RSPH14: variants seen among roughly 807,000 people sequenced by gnomAD.
RSPH14 encodes radial spoke head 14 homolog.
A neutral mutation model predicts 26.7 loss-of-function variants in RSPH14; 20 were observed. That is an observed-to-expected ratio of 0.75 (90% CI 0.53 to 1.09). The LOEUF (loss-of-function observed/expected upper bound fraction) is 1.09, where lower values mean the gene tolerates loss of function less well. Among genes scored for constraint, RSPH14 ranks in the 50% least tolerant of loss-of-function variants. The pLI is 0.00. For missense variants in RSPH14, 449 were observed against 457.2 expected (o/e 0.98, Z 0.16); for synonymous variants, 177 against 189.3 (o/e 0.93, Z 0.53).
rs547375169 is a variant in RSPH14, at chr22:23,085,373, G to A, written c.422-21240C>T. On this transcript the variant is annotated intron_variant, in intron 4 of 6. Transcript: ENST00000216036. ...CACCATGTCCCCCTGTCCCCAAGCA[G>A]GGCCACACACAGTGGGGCTGGATTC... Among the ~76,000 whole-genome samples, 3 of 152,284 alleles carry A rather than the reference G, an allele frequency of 2.0e-5. No individual in the cohort carries two copies. In the East Asian group the frequency reaches 5.8e-4, roughly 29 times the overall value.
chr22:23,128,706 G>A (rs1056620861), intron 4 of RSPH14, among the ~76,000 whole-genome samples: 1 of 152,206 alleles, frequency 6.6e-6, no homozygotes. Context: ...GGAAGAAACT[G>A]AGGCACGGTG....
chr22:23,111,292 G>A (rs758716480), intron 4 of RSPH14, among the ~76,000 whole-genome samples: 6 of 152,210 alleles, frequency 3.9e-5, no homozygotes, highest in African/African-American at 1.2e-4. Context: ...CTCCTGTGAC[G>A]TGGCTGGCTC....
chr22:23,158,192 T>TA, the RSPH14 span: 5 of 1,484,010 alleles, frequency 3.4e-6, no homozygotes, highest in East Asian at 9.3e-5. Flanking sequence ...ACGGACTACT[T>TA]ACTGTCCAAC....
the RSPH14 span, chr22:23,156,138 C>CAT: frequency 1.6e-6 from 1 of 626,858 alleles, no homozygotes; most frequent in Non-Finnish European, 2.4e-6. Flanking sequence ...AGTTTTTTGT[C>CAT]CTCCAAGACC....
chr22:23,087,976 CAAG>C, intron 4 of RSPH14, among the ~76,000 whole-genome samples: 1 of 152,182 alleles, frequency 6.6e-6, no homozygotes, highest in Non-Finnish European at 1.5e-5. Flanking sequence ...AGTGCCCAGG[CAAG>C]AAGGAGGTCT....
intron 4 of RSPH14, among the ~76,000 whole-genome samples, chr22:23,099,180 C>T (rs1228600754): frequency 2.0e-5 from 3 of 152,274 alleles, no homozygotes; most frequent in Admixed American, 1.3e-4. Context: ...TGCGTCAGCA[C>T]GTTGCCAAGG....
intron 4 of RSPH14, among the ~76,000 whole-genome samples, chr22:23,064,799 A>C (rs1232100064): frequency 6.6e-6 from 1 of 151,990 alleles, no homozygotes; most frequent in Non-Finnish European, 1.5e-5. Flanking sequence ...GTACTGGGAG[A>C]AGCACAATGA....
chr22:23,103,703 T>C (rs1050381339), intron 4 of RSPH14, among the ~76,000 whole-genome samples: 1 of 152,220 alleles, frequency 6.6e-6, no homozygotes, highest in African/African-American at 2.4e-5. Flanking sequence ...ACAAGCCCTG[T>C]GGCATCCTTG....
chr22:23,138,434 G>A (rs1278757883), intron 3 of RSPH14, among the ~76,000 whole-genome samples: 4 of 152,088 alleles, frequency 2.6e-5, no homozygotes, highest in Non-Finnish European at 5.9e-5. Context: ...GATGACACAT[G>A]CCTGTAGTCC....
intron 4 of RSPH14, among the ~76,000 whole-genome samples, chr22:23,070,109 T>C (rs1311123873): frequency 6.6e-6 from 1 of 152,060 alleles, no homozygotes; most frequent in Non-Finnish European, 1.5e-5. Flanking sequence ...CTTGCGGGAC[T>C]GCGGCGCGCG....
intron 4 of RSPH14, among the ~76,000 whole-genome samples, chr22:23,090,899 G>A (rs980284909): frequency 3.3e-5 from 5 of 152,188 alleles, no homozygotes; most frequent in Admixed American, 6.5e-5. Flanking sequence ...TCATTCAGCA[G>A]CCCCAGCCCA....
At chr22:23,110,941 CT>C (rs1434496403) in intron 4 of RSPH14, among the ~76,000 whole-genome samples, 1 of 152,232 alleles carries the variant, frequency 6.6e-6, no homozygotes, top group African/African-American at 2.4e-5. Context: ...TGTCTGTCCT[CT>C]TGTCCACTTG....
At chr22:23,069,168 C>A (rs142353980) in intron 4 of RSPH14, among the ~76,000 whole-genome samples, 1 of 152,212 alleles carries the variant, frequency 6.6e-6, no homozygotes, top group Non-Finnish European at 1.5e-5. Flanking sequence ...CAGGCACATG[C>A]CCCTGCCCCT....
intron 4 of RSPH14, among the ~76,000 whole-genome samples, chr22:23,091,341 C>G (rs755823375): frequency 2.6e-5 from 4 of 152,158 alleles, no homozygotes; most frequent in African/African-American, 4.8e-5. Flanking sequence ...GACCTGCATA[C>G]ACATAGGCAC....
At chr22:23,130,896 G>A (rs2070349238) in intron 4 of RSPH14, among the ~76,000 whole-genome samples, 1 of 152,228 alleles carries the variant, frequency 6.6e-6, no homozygotes, top group Admixed American at 6.5e-5. Context: ...GCCAGAGGCT[G>A]GGCTGGAAGC....
chr22:23,076,880 G>A (rs997976694), intron 4 of RSPH14, among the ~76,000 whole-genome samples: 2 of 152,248 alleles, frequency 1.3e-5, no homozygotes, highest in Non-Finnish European at 2.9e-5. Flanking sequence ...CCAGGCCTGG[G>A]TAGAAGTCCA....
chr22:23,145,662 T>G, upstream of RSPH14: 2 of 1,268,226 alleles, frequency 1.6e-6, no homozygotes, highest in Admixed American at 2.6e-5. Flanking sequence ...TTCCCGCCCC[T>G]ATAACTTGAA....
At chr22:23,081,934 G>A (rs1165054016) in intron 4 of RSPH14, among the ~76,000 whole-genome samples, 1 of 151,396 alleles carries the variant, frequency 6.6e-6, no homozygotes, top group East Asian at 2.0e-4. Context: ...GACCATCCTG[G>A]CTAACACAGT....
the RSPH14 span, among the ~76,000 whole-genome samples, chr22:23,166,507 A>G: frequency 6.6e-6 from 1 of 152,120 alleles, no homozygotes; most frequent in Non-Finnish European, 1.5e-5. Flanking sequence ...CAATGAACTC[A>G]GCATAGAGGT....
Sources: allele counts gnomAD v4.1 joint callset (sites outside exome capture counted in the v4.1 genomes callset), GRCh38; gene constraint gnomAD v4.1.1; transcripts MANE v1.5; gene names NCBI Gene and HGNC (gene_info 2026-07-23, HGNC 2026-07-21).